PLXNA2: variants seen among roughly 807,000 people sequenced by gnomAD.
PLXNA2 encodes plexin-A2.
A neutral mutation model predicts 193.5 loss-of-function variants in PLXNA2; 91 were observed. The ratio of observed to expected loss-of-function variants is 0.47; its 90% CI spans 0.40 to 0.56. The LOEUF (loss-of-function observed/expected upper bound fraction) is 0.56, where lower values mean the gene tolerates loss of function less well. PLXNA2 is among the 20% of genes least tolerant of loss of function. The pLI is 0.00. For synonymous variants in PLXNA2, 997 were observed against 1,027.3 expected (o/e 0.97, Z 0.56); for missense variants, 1,995 against 2,503.2 (o/e 0.80, Z 4.33).
intron 3 of PLXNA2, among the ~76,000 whole-genome samples, chr1:208,170,396 A>G (rs1669457960): frequency 6.6e-6 from 1 of 152,192 alleles, no homozygotes; most frequent in Non-Finnish European, 1.5e-5. Flanking sequence ...CCATCTCCAG[A>G]GACTGGTGAT....
intron 3 of PLXNA2, among the ~76,000 whole-genome samples, chr1:208,189,816 C>T (rs1029336040): frequency 1.3e-5 from 2 of 152,142 alleles, no homozygotes; most frequent in South Asian, 2.1e-4. Context: ...TCCAACAGCC[C>T]GCCAGTCAGG....
At chr1:208,177,079 C>A (rs1669683134) in intron 3 of PLXNA2, among the ~76,000 whole-genome samples, 1 of 130,510 alleles carries the variant, frequency 7.7e-6, no homozygotes, top group African/African-American at 2.5e-5. Context: ...CTCTCCCAGA[C>A]CTATTCATTC....
chr1:208,216,026 C>A (rs1298059242), intron 2 of PLXNA2, among the ~76,000 whole-genome samples: 2 of 152,154 alleles, frequency 1.3e-5, no homozygotes, highest in Non-Finnish European at 2.9e-5. Flanking sequence ...TCCACTTGAC[C>A]CCCTCACTGG....
Position 208,079,240 on chromosome 1 carries a change from T to C in PLXNA2, c.2586+20A>G, listed in dbSNP as rs1558180830. 2.5e-6 allele frequency: 4 copies of C among 1,589,010 alleles called. No individual in the cohort carries two copies. The highest frequency in any genetic ancestry group is 1.1e-5 in the South Asian group (1 of 90,274). ...AGCTCTTGGCCACCCCTTCCTGCTC[T>C]AGAGACTTGCAGGACTTACCTCGGT... On this transcript the variant is annotated intron_variant, in intron 12 of 31. Transcript: ENST00000367033.
At chr1:208,118,055 G>C (rs1667693318) in intron 4 of PLXNA2, among the ~76,000 whole-genome samples, 2 of 152,194 alleles carry the variant, frequency 1.3e-5, no homozygotes, top group African/African-American at 4.8e-5. Flanking sequence ...ACAGCAGAAA[G>C]CTGCCTTGTG....
chr1:208,171,809 T>C (rs992905491), intron 3 of PLXNA2, among the ~76,000 whole-genome samples: 1 of 152,076 alleles, frequency 6.6e-6, no homozygotes, highest in African/African-American at 2.4e-5. Flanking sequence ...TGAGCCATGA[T>C]TGCATCACTG....
intron 13 of PLXNA2, among the ~76,000 whole-genome samples, chr1:208,058,232 C>T (rs1470202485): frequency 6.6e-6 from 1 of 152,208 alleles, no homozygotes; most frequent in Non-Finnish European, 1.5e-5. Flanking sequence ...GCCCCTGTCC[C>T]AGGAGGGGCT....
intron 10 of PLXNA2, 74 bp downstream of exon 10, chr1:208,084,306 G>T: frequency 6.7e-7 from 1 of 1,493,298 alleles, no homozygotes; most frequent in Non-Finnish European, 9.3e-7. Context: ...AGCCAGGGCT[G>T]GCCATACTGA....
At chr1:208,183,098 C>T (rs988575986) in intron 3 of PLXNA2, among the ~76,000 whole-genome samples, 3 of 152,158 alleles carry the variant, frequency 2.0e-5, no homozygotes, top group African/African-American at 4.8e-5. Context: ...GCTCCCCCTT[C>T]GTCTAGGGGA....
At chr1:208,143,380 G>C (rs576876) in intron 3 of PLXNA2, among the ~76,000 whole-genome samples, 98,260 of 152,156 alleles carry the variant, frequency 0.65, 32,832 homozygotes, top group Non-Finnish European at 0.73. Flanking sequence ...TGGGCATGAG[G>C]GCTGAGAATG....
intron 3 of PLXNA2, among the ~76,000 whole-genome samples, chr1:208,206,488 T>G (rs947988239): frequency 6.6e-6 from 1 of 152,320 alleles, no homozygotes; most frequent in Admixed American, 6.5e-5. Context: ...CTTCTCTGAA[T>G]GTTGGACCTT....
intron 1 of PLXNA2, among the ~76,000 whole-genome samples, chr1:208,241,036 C>T (rs1038055017): frequency 2.0e-5 from 3 of 152,182 alleles, no homozygotes; most frequent in African/African-American, 7.2e-5. Context: ...TATTTCATAG[C>T]ACCTAAAGTG....
intron 9 of PLXNA2, among the ~76,000 whole-genome samples, chr1:208,090,937 G>A (rs1571905049): frequency 6.6e-6 from 1 of 152,228 alleles, no homozygotes; most frequent in Middle Eastern, 3.4e-3. Context: ...TCCAAGCTGT[G>A]GTGCCCACTC....
rs181220825 is a variant in PLXNA2, at chr1:208,069,776, T to C, written c.2587-8939A>G. Among the ~76,000 whole-genome samples the C allele has an allele frequency of 1.5e-4, 23 of 152,276 alleles. 1 individual carries two copies. The highest frequency in any genetic ancestry group is 1.0e-3 in the Admixed American group (16 of 15,300). On this transcript the variant is annotated intron_variant, in intron 12 of 31. Transcript: ENST00000367033. ...TCCTCTGGTTATATCTCCAGGCTGATAGAGATAGCGGGAAAGAAGCCAGAA... is the reference window on the plus strand; with the variant it reads ...TCCTCTGGTTATATCTCCAGGCTGACAGAGATAGCGGGAAAGAAGCCAGAA...
chr1:208,182,170 C>T (rs560985927), intron 3 of PLXNA2, among the ~76,000 whole-genome samples: 8 of 152,316 alleles, frequency 5.3e-5, no homozygotes, highest in African/African-American at 1.9e-4. Flanking sequence ...TGCAGTGGCT[C>T]ACGCCTGTAA....
In PLXNA2 at chr1:208,210,324, A is replaced by G; in HGVS notation, c.1327T>C (p.Tyr443His). 1 of 1,614,030 alleles carries G rather than the reference A, an allele frequency of 6.2e-7. No homozygotes were observed. The highest frequency in any genetic ancestry group is 8.5e-7 in the Non-Finnish European group (1 of 1,180,018). ...TTAGTCCCCACAAAAACCACGCTGTAGCCGTTGTAAACGTAGGAGGCCACA... is the reference window on the plus strand; with the variant it reads ...TTAGTCCCCACAAAAACCACGCTGTGGCCGTTGTAAACGTAGGAGGCCACA... ...TSVASYVYNG[Y>H]SVVFVGTKSG... The change falls in exon 3 of 32, where the codon TAC becomes CAC. Residue 443 changes from tyrosine to histidine, a missense_variant. Around this residue, in one of 3 missense-constraint regions of PLXNA2, gnomAD observed 702 missense variants for 812.9 expected, o/e 0.86. Transcript: ENST00000367033.
chr1:208,196,227 C>T (rs1670354809), intron 3 of PLXNA2, among the ~76,000 whole-genome samples: 1 of 152,158 alleles, frequency 6.6e-6, no homozygotes, highest in Admixed American at 6.5e-5. Flanking sequence ...GGAATCCCAT[C>T]CCTGCCCAGC....
chr1:208,218,626 CAAG>C (rs1357439772), intron 1 of PLXNA2, among the ~76,000 whole-genome samples: 1 of 152,184 alleles, frequency 6.6e-6, no homozygotes, highest in African/African-American at 2.4e-5. Context: ...TCTTCTCCAG[CAAG>C]AAGAACCCCT....
chr1:208,177,644 G>T (rs1382644756), intron 3 of PLXNA2, among the ~76,000 whole-genome samples: 1 of 152,230 alleles, frequency 6.6e-6, no homozygotes, highest in Non-Finnish European at 1.5e-5. Flanking sequence ...CTAGAGGTGG[G>T]AATACAGTTC....
Sources: allele counts gnomAD v4.1 joint callset (sites outside exome capture counted in the v4.1 genomes callset), GRCh38; gene constraint gnomAD v4.1.1; regional missense constraint gnomAD v4.1.1; transcripts MANE v1.5; gene names NCBI Gene and HGNC (gene_info 2026-07-23, HGNC 2026-07-21).